MBNL2: variants seen among roughly 807,000 people sequenced by gnomAD.
MBNL2 encodes the protein muscleblind like splicing regulator 2, also known as muscleblind-like protein 2.
In MBNL2, 17 loss-of-function variants were observed where a neutral mutation model predicts 41.9. That is an observed-to-expected ratio of 0.41 (90% CI 0.28 to 0.61). The LOEUF (loss-of-function observed/expected upper bound fraction) is 0.61, where lower values mean the gene tolerates loss of function less well. Among genes scored for constraint, MBNL2 ranks in the 20% least tolerant of loss-of-function variants. The pLI is 0.35. For synonymous variants in MBNL2, 195 were observed against 182.9 expected (o/e 1.07, Z -0.53); for missense variants, 336 against 505.6 (o/e 0.66, Z 3.22).
rs2066403188 is a variant in MBNL2 at position 97,392,152 on chromosome 13, C to G, written c.*703C>G. Reference sequence around the variant, plus strand: ...CTTTGTAGAAGTGCCTAGATTTTGCCAGACTTCATCCAGCTTGACAAGATT... The same window carrying G: ...CTTTGTAGAAGTGCCTAGATTTTGCGAGACTTCATCCAGCTTGACAAGATT... On this transcript the variant is annotated 3_prime_UTR_variant, in exon 9 of 9. Coordinates refer to ENST00000679496, the MANE Select transcript of MBNL2 (RefSeq NM_001382683.1). The G allele has an allele frequency of 6.6e-6, 1 of 152,574 alleles. No individual in the cohort carries two copies. Among genetic ancestry groups the G allele is most frequent in the South Asian group, 2.1e-4 (1 of 4,832 alleles). 9.5% of individuals were successfully genotyped at this position (152,574 alleles called of 1,614,324 possible). A position where few individuals can be genotyped will look rare whatever the true frequency, so the allele number is the denominator to read the frequency against.
chr13:97,293,171 C>T (rs992707755), intron 2 of MBNL2, among the ~76,000 whole-genome samples: 17 of 151,644 alleles, frequency 1.1e-4, no homozygotes, highest in African/African-American at 3.6e-4. Context: ...ATTCTTTTTT[C>T]GTTGAAGTAT....
chr13:97,214,856 A>G, the MBNL2 span, among the ~76,000 whole-genome samples: 1 of 152,226 alleles, frequency 6.6e-6, no homozygotes, highest in Non-Finnish European at 1.5e-5. Context: ...CAGGAGCTGC[A>G]AAAGAAGTCT....
intron 1 of MBNL2, among the ~76,000 whole-genome samples, chr13:97,263,776 C>T (rs1020959686): frequency 6.6e-6 from 1 of 151,970 alleles, no homozygotes; most frequent in Non-Finnish European, 1.5e-5. Context: ...CACTACCACA[C>T]CCAGTTAATT....
At chr13:97,250,538 A>ATT (rs35253440) in intron 1 of MBNL2, among the ~76,000 whole-genome samples, 9 of 151,246 alleles carry the variant, frequency 6.0e-5, no homozygotes, top group Admixed American at 5.9e-4. Flanking sequence ...GCTCTCTTCA[A>ATT]TTTTTTTTTT....
chr13:97,178,519 T>C, the MBNL2 span, among the ~76,000 whole-genome samples: 1 of 152,206 alleles, frequency 6.6e-6, no homozygotes, highest in Non-Finnish European at 1.5e-5. Context: ...TGTGGGCCCA[T>C]GTGATTTCTC....
At chr13:97,285,848 T>C (rs2054318636) in intron 2 of MBNL2, among the ~76,000 whole-genome samples, 1 of 152,204 alleles carries the variant, frequency 6.6e-6, no homozygotes, top group Non-Finnish European at 1.5e-5. Context: ...CCTCACCTCA[T>C]TGGCCACTCT....
intron 2 of MBNL2, among the ~76,000 whole-genome samples, chr13:97,315,412 A>C (rs544337032): frequency 2.0e-5 from 3 of 152,340 alleles, no homozygotes; most frequent in African/African-American, 7.2e-5. Flanking sequence ...TCCCAATGGC[A>C]GGAAAGAGCT....
At chr13:97,196,736 G>T in the MBNL2 span, among the ~76,000 whole-genome samples, 3 of 152,196 alleles carry the variant, frequency 2.0e-5, no homozygotes, top group Non-Finnish European at 4.4e-5. Flanking sequence ...GAAAGGTGGT[G>T]TGAAGGAGAG....
intron 2 of MBNL2, among the ~76,000 whole-genome samples, chr13:97,295,506 T>C (rs186449749): frequency 0.011 from 1,421 of 124,272 alleles, 11 homozygotes; most frequent in Non-Finnish European, 0.016. Context: ...CCTGGGTTGA[T>C]GTAGTTCTTA....
the MBNL2 span, among the ~76,000 whole-genome samples, chr13:97,155,515 T>C: frequency 1.3e-5 from 2 of 151,084 alleles, no homozygotes; most frequent in Non-Finnish European, 1.5e-5. Flanking sequence ...CATCTAGCAT[T>C]AGGTATATCT....
chr13:97,185,771 A>G, the MBNL2 span, among the ~76,000 whole-genome samples: 1 of 152,198 alleles, frequency 6.6e-6, no homozygotes. Flanking sequence ...ATAAGCTGTA[A>G]ATGTGTGTGT....
the MBNL2 span, among the ~76,000 whole-genome samples, chr13:97,153,416 T>G: frequency 6.6e-6 from 1 of 152,032 alleles, no homozygotes; most frequent in African/African-American, 2.4e-5. Flanking sequence ...GAAGAAACAG[T>G]GTAAGCAAAT....
intron 2 of MBNL2, among the ~76,000 whole-genome samples, chr13:97,322,139 G>A (rs989964181): frequency 6.6e-6 from 1 of 152,136 alleles, no homozygotes; most frequent in African/African-American, 2.4e-5. Flanking sequence ...TAAAGGAGGA[G>A]GCACACCGCT....
chr13:97,260,341 ACT>A (rs1465430873), intron 1 of MBNL2, among the ~76,000 whole-genome samples: 2 of 151,904 alleles, frequency 1.3e-5, no homozygotes, highest in African/African-American at 2.4e-5. Context: ...CCGTCAGAAG[ACT>A]CTTGACAGTC....
At chr13:97,352,148 C>T (rs1410379303) in intron 5 of MBNL2, among the ~76,000 whole-genome samples, 1 of 152,146 alleles carries the variant, frequency 6.6e-6, no homozygotes, top group African/African-American at 2.4e-5. Flanking sequence ...TTTTCCCACA[C>T]TGGCAATAAG....
chr13:97,201,871 C>T, the MBNL2 span, among the ~76,000 whole-genome samples: 1 of 152,166 alleles, frequency 6.6e-6, no homozygotes, highest in Non-Finnish European at 1.5e-5. Flanking sequence ...GCAAAATAGT[C>T]TCATTTGATC....
intron 2 of MBNL2, among the ~76,000 whole-genome samples, chr13:97,287,623 T>C (rs2054745425): frequency 1.3e-5 from 2 of 152,102 alleles, no homozygotes; most frequent in South Asian, 4.1e-4. Context: ...CTAGCTGTAA[T>C]TTTCTACAAA....
In MBNL2 at chr13:97,356,847, C is replaced by G; in HGVS notation, c.856C>G (p.Leu286Val). 1 of 1,359,236 alleles carries G rather than the reference C, an allele frequency of 7.4e-7. No individual in the cohort carries two copies. The highest frequency in any genetic ancestry group is 9.8e-7 in the Non-Finnish European group (1 of 1,015,652). The allele number at this position is 1,359,236 out of a possible 1,614,324, so 84.2% of individuals were successfully genotyped here. ...GCGACCTCTCGAAGCAACTGTAGAC[C>G]TGGTACTTTGACCTTTCACCTTTCG... ...MKRPLEATVDLAFPPGALHPL... is the reference protein window; with the variant it reads ...MKRPLEATVDVAFPPGALHPL... Residue 286 changes from leucine to valine, a missense_variant and splice_region_variant, in exon 6 of 9, where the codon CTG (leucine) becomes GTG (valine). Leu to Val is a conservative substitution (Grantham distance 32). Coordinates refer to ENST00000679496, the MANE Select transcript of MBNL2 (RefSeq NM_001382683.1).
chr13:97,167,405 A>G, the MBNL2 span, among the ~76,000 whole-genome samples: 16 of 152,186 alleles, frequency 1.1e-4, no homozygotes, highest in South Asian at 6.2e-4. Flanking sequence ...AAAAAAAAGA[A>G]AAAAAGTGTG....
Sources: allele counts gnomAD v4.1 joint callset (sites outside exome capture counted in the v4.1 genomes callset), GRCh38; gene constraint gnomAD v4.1.1; transcripts MANE v1.5; gene names NCBI Gene and HGNC (gene_info 2026-07-23, HGNC 2026-07-21).